The following RBM25 variants were observed in gnomAD, a reference collection of about 807,000 sequenced individuals.
RBM25 encodes RNA binding motif protein 25, also known as RNA-binding protein 25.
A neutral mutation model predicts 120.7 loss-of-function variants in RBM25; 19 were observed. The ratio of observed to expected loss-of-function variants is 0.16; its 90% confidence interval spans 0.11 to 0.23. RBM25 has a LOEUF of 0.23. Among genes scored for constraint, RBM25 ranks in the 10% least tolerant of loss-of-function variants. The pLI, the probability that RBM25 is intolerant of heterozygous loss-of-function variation, is 1.00. For synonymous variants in RBM25, 390 were observed against 326.7 expected, an observed-to-expected ratio of 1.19 and a Z score of -2.09; for missense variants, 605 against 1,041.5, an observed-to-expected ratio of 0.58 and a Z score of 5.77.
intron 13 of RBM25, among the ~76,000 whole-genome samples, chr14:73,108,244 G>T (rs914692320): frequency 6.6e-6 from 1 of 152,100 alleles, no homozygotes; most frequent in Non-Finnish European, 1.5e-5. Context: ...GAATGCAGGG[G>T]CATGATCATA....
intron 2 of RBM25, among the ~76,000 whole-genome samples, chr14:73,074,710 TTTTG>T (rs943175988): frequency 3.3e-5 from 5 of 152,028 alleles, no homozygotes; most frequent in Non-Finnish European, 7.4e-5. Flanking sequence ...TGATTTTTTT[TTTTG>T]TTTGTTTTGC....
At chr14:73,060,469 C>A (rs775737893) in intron 1 of RBM25, among the ~76,000 whole-genome samples, 12 of 151,476 alleles carry the variant, frequency 7.9e-5, no homozygotes, top group Non-Finnish European at 1.5e-4. Flanking sequence ...CTTATTTACA[C>A]ATGATTTAGT....
chr14:73,107,907 A>C lies in RBM25; in HGVS notation c.1541+8A>C. On this transcript the variant is annotated splice_region_variant and intron_variant, in intron 13 of 18. Transcript: ENST00000261973. ...TGACCCCAAATATTACAGGTAAAGAAGGCTTGTTCTGTGGATTCATACTTG... is the reference window on the plus strand; with the variant it reads ...TGACCCCAAATATTACAGGTAAAGACGGCTTGTTCTGTGGATTCATACTTG... 1.3e-6 allele frequency: 2 copies of C among 1,564,958 alleles called. No individual in the cohort carries two copies. Among genetic ancestry groups the C allele is most frequent in the African/African-American group, 1.4e-5 (1 of 73,196 alleles).
intron 17 of RBM25, among the ~76,000 whole-genome samples, 189 bp downstream of exon 17, chr14:73,112,439 G>A (rs1313038956): frequency 6.6e-6 from 1 of 151,416 alleles, no homozygotes; most frequent in African/African-American, 2.4e-5. Context: ...TGCAGTGGAT[G>A]CAGATTTATG....
intron 1 of RBM25, among the ~76,000 whole-genome samples, chr14:73,064,605 G>C (rs1450991137): frequency 6.6e-6 from 1 of 151,236 alleles, no homozygotes; most frequent in Non-Finnish European, 1.5e-5. Flanking sequence ...ATGTTGGCCA[G>C]TCTGGCCTCG....
intron 2 of RBM25, among the ~76,000 whole-genome samples, chr14:73,075,097 C>T (rs1895384586): frequency 6.6e-6 from 1 of 151,900 alleles, no homozygotes; most frequent in South Asian, 2.1e-4. Flanking sequence ...GCCTTGAACT[C>T]CTGGGCTCAG....
intron 7 of RBM25, among the ~76,000 whole-genome samples, chr14:73,097,358 G>A (rs148897606): frequency 0.016 from 2,436 of 151,962 alleles, 29 homozygotes; most frequent in Non-Finnish European, 0.024. Context: ...CCGCCACCAT[G>A]CCCGGCTAAT....
intron 18 of RBM25, among the ~76,000 whole-genome samples, chr14:73,116,242 G>A (rs1041715237): frequency 6.6e-6 from 1 of 152,168 alleles, no homozygotes; most frequent in Non-Finnish European, 1.5e-5. Flanking sequence ...AGTATAAAAT[G>A]GAATAGCGGT....
rs754586350 is a variant in RBM25 at position 73,105,966 on chromosome 14, G to A, written c.1262G>A (p.Arg421Gln). ...RERERERERE[R>Q]EREREKDKKR... ...CGAGAGAGAGAGCGAGAGAGGGAAC[G>A]GGAGCGAGAAAGAGAAAAAGACAAA... Residue 421 changes from arginine (R) to glutamine (Q), a missense_variant, in exon 11 of 19, where the codon CGG becomes CAG. Physicochemically the swap from Arg to Gln is conservative, Grantham distance 43 (BLOSUM62 1). This residue lies in a region of RBM25 where 465 missense variants were observed against 741.6 expected (regional missense o/e 0.63). Transcript: ENST00000261973. The A allele has an allele frequency of 3.7e-6, 6 of 1,613,580 alleles. No individual in the cohort carries two copies. The highest frequency in any genetic ancestry group is 5.1e-6 in the Non-Finnish European group (6 of 1,179,916).
intron 14 of RBM25, among the ~76,000 whole-genome samples, chr14:73,109,858 G>A (rs548312230): frequency 2.0e-5 from 3 of 151,984 alleles, no homozygotes; most frequent in South Asian, 2.1e-4. Context: ...GTGCCACCTC[G>A]CCTGGCTAAT....
At chr14:73,109,552 G>C in intron 14 of RBM25, 60 bp downstream of exon 14, 1 of 1,514,816 alleles carries the variant, frequency 6.6e-7, no homozygotes, top group Non-Finnish European at 8.9e-7. Flanking sequence ...CCAGCTCTTT[G>C]GGAGGCCGAG....
chr14:73,122,165 C>A lies in RBM25; in HGVS notation c.*2360C>A, dbSNP rs1896549977. The stretch of plus-strand genomic sequence containing the variant: ...GCTTGAACTTTGTGGGTTAATTTTA[C>A]CATAATCTCATAAATTAATTTTAGT... On this transcript the variant is annotated 3_prime_UTR_variant, in exon 19 of 19. Coordinates refer to ENST00000261973, the MANE Select transcript of RBM25 (RefSeq NM_021239.3). 6.6e-6 allele frequency: 1 copy of A among 151,256 alleles called. No homozygotes were observed. The highest frequency in any genetic ancestry group is 2.1e-4 in the South Asian group (1 of 4,828). The allele number at this position is 151,256 out of a possible 1,614,324, so 9.4% of individuals were successfully genotyped here.
At chr14:73,118,749 G>A (rs549877889) in intron 18 of RBM25, among the ~76,000 whole-genome samples, 14 of 151,796 alleles carry the variant, frequency 9.2e-5, no homozygotes, top group South Asian at 2.1e-4. Flanking sequence ...TTTTGTTGTC[G>A]TTGTTAATTT....
Position 73,067,187 on chromosome 14 carries a change from A to G in RBM25, c.-15-4440A>G, listed in dbSNP as rs796959300. The stretch of plus-strand genomic sequence containing the variant: ...CAGGTTCAAGCGATTCTCCTGCCTC[A>G]GCCTCCTGAGTAGCTGGGACTACAG... On this transcript the variant is annotated intron_variant, in intron 1 of 18. Transcript: ENST00000261973. 4.7e-5 allele frequency among the ~76,000 whole-genome samples: 7 copies of G among 150,172 alleles called. No individual in the cohort carries two copies. The South Asian group carries it at 1.5e-3, about 31-fold the overall frequency.
intron 17 of RBM25, among the ~76,000 whole-genome samples, chr14:73,113,035 A>G (rs935949864): frequency 6.6e-6 from 1 of 151,868 alleles, no homozygotes; most frequent in East Asian, 2.0e-4. Flanking sequence ...CATAACGTGC[A>G]GGTTTGTTAC....
rs142995800 is a variant in RBM25 at position 73,099,387 on chromosome 14, G to T, written c.737G>T (p.Arg246Leu). 6.3e-7 allele frequency: 1 copy of T among 1,596,242 alleles called. No homozygotes were observed. The highest frequency in any genetic ancestry group is 8.5e-7 in the Non-Finnish European group (1 of 1,176,144). Residue 246 changes from arginine (R) to leucine (L), a missense_variant, in exon 8 of 19, where the codon CGC (arginine) becomes CTC (leucine). Physicochemically the swap from Arg to Leu is moderately radical, Grantham distance 102 (BLOSUM62 -2). This residue lies in a region of RBM25 where 465 missense variants were observed against 741.6 expected (regional missense o/e 0.63). Transcript: ENST00000261973. ...KKKEKKEDIFRRFPVAPLIPY... is the reference protein window; with the variant it reads ...KKKEKKEDIFLRFPVAPLIPY... ...TGGTGGATTTTTTCACAGATTTTCC[G>T]CAGATTTCCAGTGGCCCCACTGATC...
Position 73,109,451 on chromosome 14 carries a change from C to G in RBM25, c.1651C>G (p.Leu551Val). ...GCTTGAGGAAATCAGGCAGCGCCTT[C>G]TGGCAGAAGGGCATCCAGATCCAGA... The part of the protein sequence containing the change: ...EELEEIRQRL[L>V]AEGHPDPDAE... The change falls in exon 14 of 19, where the codon CTG becomes GTG. Residue 551 changes from leucine (L) to valine (V), a missense_variant. Around this residue, in one of 4 missense-constraint regions of RBM25, gnomAD observed 465 missense variants for 741.6 expected, o/e 0.63. Coordinates refer to ENST00000261973, the MANE Select transcript of RBM25 (RefSeq NM_021239.3). 6.2e-7 allele frequency: 1 copy of G among 1,614,164 alleles called. No individual in the cohort carries two copies. Among genetic ancestry groups the G allele is most frequent in the Non-Finnish European group, 8.5e-7 (1 of 1,179,998 alleles).
At chr14:73,076,211 T>C in intron 2 of RBM25, 108 bp from the exon 3 acceptor site, 1 of 919,952 alleles carries the variant, frequency 1.1e-6, no homozygotes, top group Non-Finnish European at 1.8e-6. Flanking sequence ...CTTTCATTTG[T>C]CTTATATTTC....
chr14:73,119,512 G>T (rs932691675), intron 18 of RBM25, among the ~76,000 whole-genome samples: 1 of 152,126 alleles, frequency 6.6e-6, no homozygotes. Context: ...TGATCCGCTC[G>T]CTTCGGCCTC....
Sources: gnomAD v4.1 joint callset for allele counts (sites outside exome capture counted in the v4.1 genomes callset) on GRCh38, gnomAD v4.1.1 for gene constraint, gnomAD v4.1.1 regional missense constraint, MANE v1.5 for transcripts, NCBI Gene and HGNC (gene_info 2026-07-23, HGNC 2026-07-21) for gene names.